Variants in DPP6 observed in about 807,000 individuals in gnomAD.
The protein encoded by DPP6 is dipeptidyl peptidase like 6.
In DPP6, 69 loss-of-function variants were observed where a neutral mutation model predicts 122.6. The ratio of observed to expected loss-of-function variants is 0.56; its 90% CI spans 0.46 to 0.69. The LOEUF is 0.69. Ranked by LOEUF, DPP6 falls within the 30% of genes least tolerant of loss-of-function variation. DPP6 has a pLI of 0.00. For synonymous variants in DPP6, 418 were observed against 433.1 expected, an observed-to-expected ratio of 0.97 and a Z score of 0.43; for missense variants, 928 against 1,116.9, an observed-to-expected ratio of 0.83 and a Z score of 2.41.
the DPP6 span, among the ~76,000 whole-genome samples, chr7:153,767,445 G>A: frequency 1.3e-5 from 2 of 151,960 alleles, no homozygotes; most frequent in Non-Finnish European, 2.9e-5. Flanking sequence ...TCGGCTCACT[G>A]CAACCTCTGT....
intron 1 of DPP6, among the ~76,000 whole-genome samples, chr7:153,963,412 A>G (rs1338482256): frequency 6.8e-6 from 1 of 147,232 alleles, no homozygotes; most frequent in Non-Finnish European, 1.5e-5. Flanking sequence ...GAAGGTGCCC[A>G]GGTTGTCTCA....
the DPP6 span, among the ~76,000 whole-genome samples, chr7:153,792,668 T>A: frequency 6.6e-6 from 1 of 152,190 alleles, no homozygotes; most frequent in African/African-American, 2.4e-5. Context: ...TTCTTTTTTT[T>A]TTTCAGAGCA....
At chr7:154,750,066 A>C (rs1335124157) in intron 8 of DPP6, among the ~76,000 whole-genome samples, 5 of 152,236 alleles carry the variant, frequency 3.3e-5, no homozygotes, top group African/African-American at 1.2e-4. Flanking sequence ...AAAATACCAG[A>C]GTGCAATAGA....
At chr7:154,869,455 T>C (rs1313279023) in intron 18 of DPP6, among the ~76,000 whole-genome samples, 1 of 152,234 alleles carries the variant, frequency 6.6e-6, no homozygotes, top group Non-Finnish European at 1.5e-5. Flanking sequence ...CATGTGGGAA[T>C]GCTCACGGAA....
chr7:154,795,906 C>A (rs1213954115), intron 12 of DPP6, 23 bp downstream of exon 12: 4 of 1,604,354 alleles, frequency 2.5e-6, no homozygotes, highest in Middle Eastern at 1.7e-4. Context: ...TGTCCGGGTC[C>A]CCACTGTCAC....
chr7:154,812,673 G>A (rs1003929828), intron 16 of DPP6, among the ~76,000 whole-genome samples: 10 of 152,134 alleles, frequency 6.6e-5, no homozygotes, highest in Non-Finnish European at 1.0e-4. Flanking sequence ...ATACCATCAC[G>A]TTGGAGGTTA....
chr7:153,964,822 C>CTTTCCTTTTCCTTTTCCT (rs202179146), intron 1 of DPP6, among the ~76,000 whole-genome samples: 3 of 41,208 alleles, frequency 7.3e-5, no homozygotes, highest in East Asian at 5.3e-4. Context: ...CTTTCCTTTC[C>CTTTCCTTTTCCTTTTCCT]TTTCCTTTTC....
intron 1 of DPP6, among the ~76,000 whole-genome samples, chr7:154,017,708 T>TAAAAAAAAAAAA (rs945886454): frequency 7.6e-5 from 4 of 52,978 alleles, no homozygotes; most frequent in African/African-American, 2.3e-4. Context: ...CTAAAAAAAA[T>TAAAAAAAAAAAA]AAAAAAAAAA....
intron 1 of DPP6, among the ~76,000 whole-genome samples, chr7:154,075,964 T>C (rs1477479938): frequency 6.6e-6 from 1 of 151,882 alleles, no homozygotes; most frequent in African/African-American, 2.4e-5. Flanking sequence ...TGTATATGCA[T>C]ATACCACTTT....
intron 21 of DPP6, chr7:154,883,703 CACA>C (rs1362593967): frequency 6.8e-6 from 1 of 146,824 alleles, no homozygotes; most frequent in African/African-American, 2.6e-5. Context: ...CACACGTGCT[CACA>C]AATTACATAC....
chr7:153,905,859 C>T (rs1199736331), intron 1 of DPP6, among the ~76,000 whole-genome samples: 1 of 152,126 alleles, frequency 6.6e-6, no homozygotes, highest in African/African-American at 2.4e-5. Flanking sequence ...AAAGTGGAGA[C>T]TGAATTGCGG....
In DPP6 at chr7:153,986,231, T is replaced by TA. The variant is rs1796843120; in HGVS notation, c.51+98504dup. 2.0e-5 allele frequency among the ~76,000 whole-genome samples: 3 copies of TA among 152,314 alleles called. No homozygotes were observed. In the East Asian group the frequency reaches 5.8e-4, roughly 29 times the overall value. ...TTCACACTTTAAAGAACTCATCATG[T>TA]AAAAAAATTGCTTTTTAACACATTT... On this transcript the variant is annotated intron_variant, in intron 1 of 25. Transcript: ENST00000404039.
At chr7:154,762,139 A>G (rs1025389112) in intron 8 of DPP6, among the ~76,000 whole-genome samples, 2 of 152,216 alleles carry the variant, frequency 1.3e-5, no homozygotes, top group Non-Finnish European at 2.9e-5. Flanking sequence ...TAGTATCAGA[A>G]TGACAATTCA....
chr7:154,292,225 G>A (rs932034179), intron 1 of DPP6, among the ~76,000 whole-genome samples: 16 of 151,968 alleles, frequency 1.1e-4, no homozygotes, highest in African/African-American at 3.6e-4. Context: ...ACCTAACTGC[G>A]ATTAGGCAAG....
chr7:153,769,236 T>C, the DPP6 span, among the ~76,000 whole-genome samples: 1 of 152,214 alleles, frequency 6.6e-6, no homozygotes, highest in Non-Finnish European at 1.5e-5. Context: ...CTGTACCTTG[T>C]TGTTCCTGTT....
chr7:154,655,131 T>G (rs1301914730), intron 6 of DPP6, among the ~76,000 whole-genome samples: 1 of 152,200 alleles, frequency 6.6e-6, no homozygotes, highest in East Asian at 1.9e-4. Context: ...CACATATGAT[T>G]AGACACTGAG....
chr7:154,588,393 A>T (rs1173796629), intron 5 of DPP6: 8 of 356,002 alleles, frequency 2.2e-5, no homozygotes, highest in Admixed American at 8.7e-5. Context: ...TCTTCAGAAT[A>T]TCATATACAC....
chr7:153,849,392 G>T, the DPP6 span, among the ~76,000 whole-genome samples: 291 of 152,056 alleles, frequency 1.9e-3, 1 homozygote, highest in Admixed American at 4.7e-3. Context: ...GTCCTTGCTG[G>T]GTTCTAACTT....
chr7:154,662,076 T>C (rs1837729285), intron 6 of DPP6, among the ~76,000 whole-genome samples: 2 of 150,764 alleles, frequency 1.3e-5, no homozygotes, highest in African/African-American at 4.9e-5. Context: ...GTATTGGCCA[T>C]AGTGTTCATA....
Sources: gnomAD v4.1 joint callset for allele counts (sites outside exome capture counted in the v4.1 genomes callset) on GRCh38, gnomAD v4.1.1 for gene constraint, MANE v1.5 for transcripts, NCBI Gene and HGNC (gene_info 2026-07-23, HGNC 2026-07-21) for gene names.